RNF217: variants seen among roughly 807,000 people sequenced by gnomAD.
The protein encoded by RNF217 is ring finger protein 217, also known as E3 ubiquitin-protein ligase RNF217.
In RNF217, 31 loss-of-function variants were observed where a neutral mutation model predicts 57.8. That is an observed-to-expected ratio of 0.54 (90% CI 0.40 to 0.72). RNF217 has a LOEUF of 0.72. Among genes scored for constraint, RNF217 ranks in the 30% least tolerant of loss-of-function variants. RNF217 has a pLI of 0.00. For synonymous variants in RNF217, 313 were observed against 294.0 expected, an observed-to-expected ratio of 1.06 and a Z score of -0.66; for missense variants, 696 against 708.3, an observed-to-expected ratio of 0.98 and a Z score of 0.20.
At chr6:125,014,045 G>A (rs943071032) in intron 1 of RNF217, among the ~76,000 whole-genome samples, 47 of 152,228 alleles carry the variant, frequency 3.1e-4, no homozygotes, top group African/African-American at 1.0e-3. Context: ...CTCTGAATGG[G>A]AACTGACTCT....
At chr6:125,077,318 T>G (rs1012647573) in intron 4 of RNF217, among the ~76,000 whole-genome samples, 1 of 152,188 alleles carries the variant, frequency 6.6e-6, no homozygotes, top group African/African-American at 2.4e-5. Flanking sequence ...TAGAGTTCCA[T>G]TATGTCTATA....
At chr6:125,028,236 C>T (rs1786193406) in intron 1 of RNF217, among the ~76,000 whole-genome samples, 2 of 151,896 alleles carry the variant, frequency 1.3e-5, no homozygotes, top group Admixed American at 1.3e-4. Flanking sequence ...GGTTCAGTAC[C>T]CCTTTAAATA....
chr6:124,987,881 C>A (rs757747683), intron 1 of RNF217, among the ~76,000 whole-genome samples: 2 of 152,070 alleles, frequency 1.3e-5, no homozygotes. Flanking sequence ...GTACATTCTG[C>A]GGTTTGTTGT....
intron 1 of RNF217, among the ~76,000 whole-genome samples, chr6:125,033,567 G>A (rs1054193451): frequency 2.4e-4 from 36 of 149,352 alleles, no homozygotes; most frequent in African/African-American, 8.1e-4. Flanking sequence ...GTGTATATGT[G>A]CCACATTTTC....
intron 1 of RNF217, among the ~76,000 whole-genome samples, chr6:125,038,278 A>C (rs1786729422): frequency 6.6e-6 from 1 of 152,192 alleles, no homozygotes; most frequent in Admixed American, 6.5e-5. Flanking sequence ...TAAGTACATT[A>C]AGTAGATAAA....
chr6:125,069,645 CT>C (rs1282787404), intron 3 of RNF217, among the ~76,000 whole-genome samples: 1 of 152,072 alleles, frequency 6.6e-6, no homozygotes, highest in Non-Finnish European at 1.5e-5. Context: ...GAACTATTTT[CT>C]TTTGGGTATA....
intron 5 of RNF217, chr6:125,082,612 T>C: frequency 6.3e-7 from 1 of 1,581,684 alleles, no homozygotes; most frequent in Non-Finnish European, 8.6e-7. Flanking sequence ...ATAAAGAAGA[T>C]TTAAACCAAA....
At chr6:125,016,890 C>T (rs1785633942) in intron 1 of RNF217, among the ~76,000 whole-genome samples, 2 of 152,152 alleles carry the variant, frequency 1.3e-5, no homozygotes, top group South Asian at 4.2e-4. Flanking sequence ...ATCCAACAAT[C>T]CTGCACGTTC....
At chr6:124,966,330 A>G (rs775633708) in intron 1 of RNF217, among the ~76,000 whole-genome samples, 3 of 152,210 alleles carry the variant, frequency 2.0e-5, no homozygotes, top group Non-Finnish European at 4.4e-5. Context: ...GTAATTGCAG[A>G]CAACCTGTAA....
chr6:125,066,022 CT>C lies in RNF217; in HGVS notation c.1281+7919del, dbSNP rs369355745. ...GTCTTCCAGCTGCTCAGGCCAAGAA[CT>C]TTAGGTTATCCCAGACTCTGCTTCT... is the stretch of plus-strand genomic sequence containing the variant. On this transcript the variant is annotated intron_variant, in intron 3 of 5. Transcript: ENST00000521654. Among the ~76,000 whole-genome samples the C allele has an allele frequency of 5.9e-5, 9 of 152,282 alleles. 1 individual carries two copies. The South Asian group carries it at 1.0e-3, about 18-fold the overall frequency.
chr6:125,063,286 G>A (rs534828729), intron 3 of RNF217, among the ~76,000 whole-genome samples: 1 of 152,182 alleles, frequency 6.6e-6, no homozygotes, highest in African/African-American at 2.4e-5. Context: ...CGTTATAAAA[G>A]CAAATAAACA....
intron 1 of RNF217, chr6:124,983,278 T>C (rs2115020130): frequency 1.3e-6 from 1 of 752,154 alleles, no homozygotes; most frequent in Non-Finnish European, 1.6e-6. Flanking sequence ...CTTTTGTGTC[T>C]TGTGATGTAG....
At chr6:125,000,906 T>G (rs545970072) in intron 1 of RNF217, among the ~76,000 whole-genome samples, 29 of 152,266 alleles carry the variant, frequency 1.9e-4, no homozygotes, top group African/African-American at 6.5e-4. Context: ...TTCTTTCTTT[T>G]ATATGTAATG....
chr6:125,076,576 G>A (rs981570783), intron 3 of RNF217, 81 bp from the exon 4 acceptor site: 17 of 852,672 alleles, frequency 2.0e-5, no homozygotes, highest in Admixed American at 1.5e-4. Flanking sequence ...ACTGGTAAGT[G>A]TTGTTTCATA....
chr6:125,011,911 C>T (rs955865141), intron 1 of RNF217, among the ~76,000 whole-genome samples: 6 of 152,044 alleles, frequency 3.9e-5, no homozygotes, highest in East Asian at 3.9e-4. Context: ...TGACTCTTTC[C>T]TCTGTCTTCA....
intron 1 of RNF217, among the ~76,000 whole-genome samples, chr6:124,984,780 G>A (rs1277723182): frequency 1.3e-5 from 2 of 152,002 alleles, no homozygotes; most frequent in South Asian, 4.2e-4. Flanking sequence ...ATATTTCTTA[G>A]AACCTGAGAA....
intron 1 of RNF217, among the ~76,000 whole-genome samples, chr6:125,025,755 AGGAG>A (rs59977474): frequency 0.061 from 4,833 of 79,056 alleles, 371 homozygotes; most frequent in African/African-American, 0.21. Flanking sequence ...GAGGAAGGGA[AGGAG>A]GGAGGGAGGG....
intron 1 of RNF217, among the ~76,000 whole-genome samples, chr6:124,969,727 A>T (rs1398760044): frequency 6.6e-6 from 1 of 152,194 alleles, no homozygotes; most frequent in Non-Finnish European, 1.5e-5. Flanking sequence ...GACTTCATGG[A>T]ATTATATGCT....
At chr6:124,984,550 A>T (rs1228336915) in intron 1 of RNF217, among the ~76,000 whole-genome samples, 10 of 146,602 alleles carry the variant, frequency 6.8e-5, no homozygotes, top group African/African-American at 1.8e-4. Context: ...TCAAAAAAAA[A>T]AAAAAAAAAA....
Sources: gnomAD v4.1 joint callset for allele counts (sites outside exome capture counted in the v4.1 genomes callset) on GRCh38, gnomAD v4.1.1 for gene constraint, MANE v1.5 for transcripts, NCBI Gene and HGNC (gene_info 2026-07-23, HGNC 2026-07-21) for gene names.